DCTN3: variants seen among roughly 807,000 people sequenced by gnomAD.
DCTN3 encodes the protein dynactin 3 (p22).
In DCTN3, 25 loss-of-function variants were observed where a neutral mutation model predicts 28.4. The observed-to-expected ratio is 0.88, with a 90% CI of 0.64 to 1.23. The LOEUF (loss-of-function observed/expected upper bound fraction) is 1.23, where lower values mean the gene tolerates loss of function less well. Among genes scored for constraint, DCTN3 ranks in the 50% most tolerant of loss-of-function variants. DCTN3 has a pLI of 0.00. For missense variants in DCTN3, 229 were observed against 232.0 expected (o/e 0.99, Z 0.08); for synonymous variants, 81 against 91.4 (o/e 0.89, Z 0.65).
In DCTN3 at chr9:34,620,410, G is replaced by T; in HGVS notation, c.55C>A (p.Arg19Ser). 1 of 1,575,444 alleles carries T rather than the reference G, an allele frequency of 6.3e-7. No individual in the cohort carries two copies. Among genetic ancestry groups the T allele is most frequent in the African/African-American group, 1.4e-5 (1 of 74,010 alleles). ...GCCCCGCCCGGCCCGTACACCCAGC[G>T]CTCCAGCTCTTCCACTCGGGCCTGT... Reference protein sequence around the residue: ...RLQARVEELERWVYGPGGARG... With the variant: ...RLQARVEELESWVYGPGGARG... Residue 19 changes from arginine (R) to serine (S), a missense_variant, in exon 1 of 7, where the codon CGC becomes AGC. Coordinates refer to ENST00000259632, the MANE Select transcript of DCTN3 (RefSeq NM_007234.5).
chr9:34,616,235 C>A lies in DCTN3; in HGVS notation c.269-122G>T, dbSNP rs1820422837. 2 of 675,108 alleles carry A rather than the reference C, an allele frequency of 3.0e-6. No homozygotes were observed. Among genetic ancestry groups the A allele is most frequent in the Non-Finnish European group, 5.3e-6 (2 of 378,900 alleles). The allele number at this position is 675,108 out of a possible 1,614,324, so 41.8% of individuals were successfully genotyped here. ...TAGGTCCTAGAGCTTTGGACAGTGA[C>A]TCTGTCCACTGCCCCCTTCTCTAGG... is the stretch of plus-strand genomic sequence containing the variant. On this transcript the variant is annotated intron_variant, in intron 3 of 6. Transcript: ENST00000259632. This position sits in a 1 kb window ranked among gnomAD's most constrained non-coding sequence, Gnocchi z 4.7.
intron 4 of DCTN3, 59 bp downstream of exon 4, chr9:34,615,971 C>CCCAT: frequency 7.1e-7 from 1 of 1,413,996 alleles, no homozygotes; most frequent in Non-Finnish European, 1.0e-6. Context: ...GAAAGTCTTG[C>CCCAT]CCATCCATCC....
Position 34,614,024 on chromosome 9 carries a change from G to C in DCTN3, c.471+18C>G, listed in dbSNP as rs940092772. On this transcript the variant is annotated intron_variant, in intron 6 of 6. Transcript: ENST00000259632. Reference sequence around the variant, plus strand: ...AGGGACAGCACCCATTAGGGTCCTAGTTGAGCAGAAAGGATACAGTCTTGT... The same window carrying C: ...AGGGACAGCACCCATTAGGGTCCTACTTGAGCAGAAAGGATACAGTCTTGT... 6.2e-7 allele frequency: 1 copy of C among 1,606,100 alleles called. No individual in the cohort carries two copies. The highest frequency in any genetic ancestry group is 1.1e-5 in the South Asian group (1 of 90,666).
chr9:34,620,200 T>C (rs1820521361), intron 1 of DCTN3, among the ~76,000 whole-genome samples, 169 bp downstream of exon 1: 1 of 152,156 alleles, frequency 6.6e-6, no homozygotes, highest in African/African-American at 2.4e-5. Flanking sequence ...CAGAGCCCCC[T>C]ATGACAGTGG....
chr9:34,620,282 G>A (rs1820523505), intron 1 of DCTN3, 87 bp downstream of exon 1: 2 of 1,165,282 alleles, frequency 1.7e-6, no homozygotes, highest in Non-Finnish European at 1.3e-6. Flanking sequence ...GCGGAGAACA[G>A]GACTGGAGCG....
At chr9:34,615,690 T>A (rs1289200253) in intron 4 of DCTN3, 3 of 181,916 alleles carry the variant, frequency 1.6e-5, no homozygotes, top group South Asian at 1.2e-4. Context: ...GGCAGGTGGA[T>A]CACATGGGGC....
At chr9:34,614,418 G>C in intron 5 of DCTN3, 2 of 625,132 alleles carry the variant, frequency 3.2e-6, no homozygotes, top group Non-Finnish European at 5.4e-6. Flanking sequence ...AGTGAAAAAA[G>C]AGCCCCTCTA....
chr9:34,617,860 A>G (rs771929551), intron 3 of DCTN3, 25 bp downstream of exon 3: 41 of 1,613,268 alleles, frequency 2.5e-5, no homozygotes, highest in Non-Finnish European at 3.4e-5. Flanking sequence ...CCTCAGATGC[A>G]TGTACACATG....
rs754608463 is a variant in DCTN3 at position 34,618,763 on chromosome 9, G to A, written c.97-3C>T. On this transcript the variant is annotated splice_polypyrimidine_tract_variant and splice_region_variant and intron_variant, in intron 1 of 6. Coordinates refer to ENST00000259632, the MANE Select transcript of DCTN3 (RefSeq NM_007234.5). ...ACCTTGACCAGGCCGTCAGCCACCTGTAAGGGAAGTGGTGGTTAATTCCAA... is the reference window on the plus strand; with the variant it reads ...ACCTTGACCAGGCCGTCAGCCACCTATAAGGGAAGTGGTGGTTAATTCCAA... 24 of 1,613,214 alleles carry A rather than the reference G, an allele frequency of 1.5e-5. No individual in the cohort carries two copies. Among genetic ancestry groups the A allele is most frequent in the Non-Finnish European group, 2.0e-5 (23 of 1,179,126 alleles).
chr9:34,614,364 T>C, intron 5 of DCTN3: 1 of 726,702 alleles, frequency 1.4e-6, no homozygotes, highest in Non-Finnish European at 2.2e-6. Flanking sequence ...TCTTCTGTCC[T>C]TATTTCTGAA....
intron 1 of DCTN3, among the ~76,000 whole-genome samples, chr9:34,619,265 A>G (rs10972167): frequency 0.056 from 8,509 of 152,310 alleles, 821 homozygotes; most frequent in African/African-American, 0.19. Flanking sequence ...AGTTAAGGGC[A>G]TACAGATTGA....
At chr9:34,619,448 G>C (rs1248882204) in intron 1 of DCTN3, among the ~76,000 whole-genome samples, 3 of 152,166 alleles carry the variant, frequency 2.0e-5, no homozygotes, top group African/African-American at 7.2e-5. Context: ...TTTAGGGGTA[G>C]AATGTAAAGA....
At chr9:34,617,250 G>A (rs1277298919) in intron 3 of DCTN3, among the ~76,000 whole-genome samples, 5 of 152,196 alleles carry the variant, frequency 3.3e-5, no homozygotes, top group Admixed American at 2.6e-4. Flanking sequence ...TCAGGTCCCT[G>A]AAGCAGGGAC....
At position 34,616,509 on chromosome 9, in the gene DCTN3, G is replaced by A. The variant is rs552818010; in HGVS notation, c.269-396C>T. 8.0e-5 allele frequency: 14 copies of A among 175,614 alleles called. No individual in the cohort carries two copies. Among genetic ancestry groups the A allele is most frequent in the South Asian group, 6.2e-4 (5 of 8,112 alleles). The allele number at this position is 175,614 out of a possible 1,614,324, so 10.9% of individuals were successfully genotyped here. On this transcript the variant is annotated intron_variant, in intron 3 of 6. Transcript: ENST00000259632. The surrounding 1 kb of genome is among the most constrained non-coding windows in gnomAD (Gnocchi z 4.7). ...CTAAAAGAGATATGTGGCAGACTACGCCAGGCAGGTTCTGCTCAGTGGCTC... is the reference window on the plus strand; with the variant it reads ...CTAAAAGAGATATGTGGCAGACTACACCAGGCAGGTTCTGCTCAGTGGCTC...
Position 34,614,746 on chromosome 9 carries a change from G to A in DCTN3, c.375C>T (p.Arg125=), listed in dbSNP as rs901756885. 6.2e-7 allele frequency: 1 copy of A among 1,614,082 alleles called. No homozygotes were observed. Among genetic ancestry groups the A allele is most frequent in the Non-Finnish European group, 8.5e-7 (1 of 1,180,042 alleles). The change falls in exon 5 of 7, where the codon CGC becomes CGT. Residue 125 remains arginine (R), a synonymous_variant. Coordinates refer to ENST00000259632, the MANE Select transcript of DCTN3 (RefSeq NM_007234.5). ...HIKAVPEHAA[R]LQRLAQIHIQ... is the part of the protein sequence containing the mutation. ...TGTGGATCTGGGCCAAGCGCTGCAG[G>A]CGGGCAGCATGCTCAGGAACGGCTG... is the stretch of plus-strand genomic sequence containing the variant.
intron 4 of DCTN3, 25 bp from the exon 5 acceptor site, chr9:34,614,793 G>A: frequency 3.1e-6 from 5 of 1,613,630 alleles, no homozygotes; most frequent in Non-Finnish European, 3.4e-6. Flanking sequence ...ACACACTGCT[G>A]GATGATGCTT....
chr9:34,620,201 A>G (rs758134716), intron 1 of DCTN3, among the ~76,000 whole-genome samples, 168 bp downstream of exon 1: 16 of 152,102 alleles, frequency 1.1e-4, no homozygotes, highest in Admixed American at 2.6e-4. Flanking sequence ...AGAGCCCCCT[A>G]TGACAGTGGA....
chr9:34,614,820 C>T (rs2132299235), intron 4 of DCTN3, 52 bp from the exon 5 acceptor site: 1 of 1,605,364 alleles, frequency 6.2e-7, no homozygotes, highest in East Asian at 2.2e-5. Flanking sequence ...TCCCCCGGGA[C>T]TGCTCAATAG....
intron 1 of DCTN3, 134 bp from the exon 2 acceptor site, chr9:34,618,894 TA>T: frequency 1.5e-6 from 1 of 685,762 alleles, no homozygotes; most frequent in Non-Finnish European, 2.7e-6. Context: ...TCTCTAATAT[TA>T]AAGGAGATGC....
Sources: gnomAD v4.1 joint callset for allele counts (sites outside exome capture counted in the v4.1 genomes callset) on GRCh38, gnomAD v4.1.1 for gene constraint, Gnocchi (gnomAD v3.1) non-coding constraint, MANE v1.5 for transcripts, NCBI Gene and HGNC (gene_info 2026-07-23, HGNC 2026-07-21) for gene names.